Variants in ISOC2 observed in about 807,000 individuals in gnomAD.
The protein encoded by ISOC2 is isochorismatase domain containing 2.
Under a neutral mutation model 19.3 loss-of-function variants are expected in ISOC2, and 15 were observed. That is an observed-to-expected ratio of 0.78 (90% confidence interval 0.52 to 1.20). ISOC2 has a LOEUF of 1.20. Among genes scored for constraint, ISOC2 ranks in the 50% most tolerant of loss-of-function variants. ISOC2 has a pLI of 0.00. For missense variants in ISOC2, 285 were observed against 272.4 expected (o/e 1.05, Z -0.33); for synonymous variants, 106 against 115.8 (o/e 0.92, Z 0.54).
chr19:55,456,954 C>T (rs1198362944), intron 1 of ISOC2: 3 of 161,316 alleles, frequency 1.9e-5, no homozygotes, highest in Non-Finnish European at 2.7e-5. Context: ...ACTATCAGAT[C>T]CCGGTTACAT....
Position 55,453,361 on chromosome 19 carries a change from G to A in ISOC2, c.565C>T (p.Pro189Ser). Residue 189 changes from proline (P) to serine (S), a missense_variant, in exon 6 of 6, where the codon CCA becomes TCA. Physicochemically the swap from Pro to Ser is moderately conservative, Grantham distance 74. Coordinates refer to ENST00000425675, the MANE Select transcript of ISOC2 (RefSeq NM_001136201.2). ...EIQKLIKEPAPDSGLLGLFQG... is the reference protein window; with the variant it reads ...EIQKLIKEPASDSGLLGLFQG... ...AAGAGGCCCAGCAGTCCGCTGTCTG[G>A]GGCGGGCTCCTTGATGAGTTTCTGG... 1 of 1,607,120 alleles carries A rather than the reference G, an allele frequency of 6.2e-7. No individual in the cohort carries two copies. Among genetic ancestry groups the A allele is most frequent in the Non-Finnish European group, 8.5e-7 (1 of 1,176,990 alleles).
At chr19:55,461,115 G>A (rs1986222856) in intron 1 of ISOC2, among the ~76,000 whole-genome samples, 1 of 152,088 alleles carries the variant, frequency 6.6e-6, no homozygotes, top group Non-Finnish European at 1.5e-5. Flanking sequence ...CCTGGGTGGA[G>A]GGTACCCAAG....
At chr19:55,460,247 C>T (rs945407097) in intron 1 of ISOC2, among the ~76,000 whole-genome samples, 2 of 152,106 alleles carry the variant, frequency 1.3e-5, no homozygotes, top group South Asian at 2.1e-4. Flanking sequence ...AGTAACAATA[C>T]GAAAACATGT....
At chr19:55,458,585 G>A (rs1424980126) in intron 1 of ISOC2, among the ~76,000 whole-genome samples, 1 of 151,034 alleles carries the variant, frequency 6.6e-6, no homozygotes, top group East Asian at 1.9e-4. Flanking sequence ...CTGGAGTGTA[G>A]TGGCGCGATC....
intron 5 of ISOC2, chr19:55,453,963 T>G (rs928415147): frequency 6.6e-6 from 1 of 152,306 alleles, no homozygotes; most frequent in Admixed American, 6.6e-5. Context: ...TCCTCCCCTC[T>G]ATGCCACACT....
intron 1 of ISOC2, chr19:55,459,913 G>A (rs571766837): frequency 1.3e-5 from 2 of 152,276 alleles, no homozygotes; most frequent in Non-Finnish European, 2.9e-5. Flanking sequence ...AAAAGCCTAG[G>A]ACAGGCATGT....
rs1208648445 is a variant in ISOC2, at chr19:55,455,324, T to C, written c.355A>G (p.Thr119Ala). Residue 119 changes from threonine to alanine, a missense_variant, in exon 4 of 6, where the codon ACC (threonine) becomes GCC (alanine). Physicochemically the swap from Thr to Ala is moderately conservative, Grantham distance 58. Coordinates refer to ENST00000425675, the MANE Select transcript of ISOC2 (RefSeq NM_001136201.2). ...AGCCCCCGGTCTAGGAGGTCCAGGG[T>C]CGTGTTCTGTGGGTAGAGAGAGGTC... ...IEAQACILNTTLDLLDRGLQV... is the reference protein window; with the variant it reads ...IEAQACILNTALDLLDRGLQV... The C allele has an allele frequency of 6.2e-7, 1 of 1,613,872 alleles. No homozygotes were observed. The highest frequency in any genetic ancestry group is 1.1e-5 in the South Asian group (1 of 91,072).
intron 1 of ISOC2, chr19:55,459,686 C>G (rs893087372): frequency 6.6e-6 from 1 of 152,252 alleles, no homozygotes; most frequent in African/African-American, 2.4e-5. Flanking sequence ...ACAGCCCTTG[C>G]GGTTTCCTCC....
intron 1 of ISOC2, 53 bp downstream of exon 1, chr19:55,461,459 G>A (rs961228086): frequency 6.6e-6 from 1 of 152,274 alleles, no homozygotes; most frequent in Non-Finnish European, 1.5e-5. Context: ...TTCCCCATCT[G>A]CTAGGCGGTA....
chr19:55,461,339 G>A (rs1986233630), intron 1 of ISOC2, among the ~76,000 whole-genome samples, 173 bp downstream of exon 1: 1 of 152,184 alleles, frequency 6.6e-6, no homozygotes, highest in Non-Finnish European at 1.5e-5. Flanking sequence ...GGCGGCAGGC[G>A]CGACCCGGGG....
At chr19:55,453,446 G>T in intron 5 of ISOC2, 58 bp from the exon 6 acceptor site, 1 of 1,246,930 alleles carries the variant, frequency 8.0e-7, no homozygotes, top group South Asian at 1.6e-5. Flanking sequence ...CTCCATGGAT[G>T]ACAAATCTGA....
intron 1 of ISOC2, among the ~76,000 whole-genome samples, chr19:55,457,594 C>G (rs905079591): frequency 6.6e-6 from 1 of 150,918 alleles, no homozygotes; most frequent in Non-Finnish European, 1.5e-5. Flanking sequence ...TTTGGGAGGC[C>G]GAGGCGGGCG....
At chr19:55,457,981 A>G (rs937925307) in intron 1 of ISOC2, among the ~76,000 whole-genome samples, 1 of 151,862 alleles carries the variant, frequency 6.6e-6, no homozygotes, top group Non-Finnish European at 1.5e-5. Flanking sequence ...GCAGAACAGC[A>G]TGACTATGAA....
In ISOC2 at chr19:55,455,025, C is replaced by T. The variant is rs1985998003; in HGVS notation, c.501G>A (p.Gln167=). ...GGGGGTGGACGGCATCGCCCACAAG[C>T]TGCAGAATGAGCCCTTCGCTGGTGG... ...FLSTSEGLIL[Q]LVGDAVHPQF... is the part of the protein sequence containing the mutation. Residue 167 remains glutamine, a synonymous_variant, in exon 5 of 6, where the codon CAG becomes CAA. Coordinates refer to ENST00000425675, the MANE Select transcript of ISOC2 (RefSeq NM_001136201.2). The T allele has an allele frequency of 6.2e-7, 1 of 1,613,404 alleles. No homozygotes were observed. Among genetic ancestry groups the T allele is most frequent in the Non-Finnish European group, 8.5e-7 (1 of 1,180,002 alleles).
chr19:55,453,576 C>A (rs1222883378), intron 5 of ISOC2, 188 bp from the exon 6 acceptor site: 6 of 458,480 alleles, frequency 1.3e-5, no homozygotes, highest in Non-Finnish European at 2.3e-5. Flanking sequence ...TGGTTGAGCT[C>A]CTCACTGCCT....
intron 5 of ISOC2, 47 bp from the exon 6 acceptor site, chr19:55,453,435 T>C: frequency 7.4e-7 from 1 of 1,356,814 alleles, no homozygotes; most frequent in South Asian, 1.4e-5. Flanking sequence ...AGGGTCCCGA[T>C]CTCCATGGAT....
intron 2 of ISOC2, 35 bp downstream of exon 2, chr19:55,456,314 A>G: frequency 6.3e-7 from 1 of 1,586,208 alleles, no homozygotes; most frequent in Non-Finnish European, 8.6e-7. Context: ...CTGAGCCTGG[A>G]TCCTGGGTCT....
At chr19:55,461,188 C>T (rs922362499) in intron 1 of ISOC2, among the ~76,000 whole-genome samples, 32 of 148,902 alleles carry the variant, frequency 2.1e-4, no homozygotes, top group African/African-American at 6.7e-4. Context: ...GTTGATTTCC[C>T]CACCCGGTCT....
intron 1 of ISOC2, chr19:55,460,063 TACAG>T (rs1482915847): frequency 6.6e-6 from 1 of 152,228 alleles, no homozygotes; most frequent in African/African-American, 2.4e-5. Context: ...GCATTTATCC[TACAG>T]ACATTCATGT....
Sources: allele counts gnomAD v4.1 joint callset (sites outside exome capture counted in the v4.1 genomes callset), GRCh38; gene constraint gnomAD v4.1.1; transcripts MANE v1.5; gene names NCBI Gene and HGNC (gene_info 2026-07-23, HGNC 2026-07-21).